NCOA3: variants seen among roughly 807,000 people sequenced by gnomAD.
NCOA3 encodes CBP-interacting protein.
In NCOA3, 51 loss-of-function variants were observed where a neutral mutation model predicts 158.8. That is an observed-to-expected ratio of 0.32 (90% confidence interval 0.26 to 0.41). The LOEUF (loss-of-function observed/expected upper bound fraction) is 0.41, where lower values mean the gene tolerates loss of function less well. NCOA3 is among the 10% of genes least tolerant of loss of function. The pLI is 1.00. For synonymous variants in NCOA3, 537 were observed against 592.4 expected, an observed-to-expected ratio of 0.91 and a Z score of 1.36; for missense variants, 1,510 against 1,746.6, an observed-to-expected ratio of 0.86 and a Z score of 2.41.
chr20:47,629,839 C>T (rs1289988441), intron 8 of NCOA3, among the ~76,000 whole-genome samples: 2 of 152,088 alleles, frequency 1.3e-5, no homozygotes, highest in East Asian at 3.8e-4. Context: ...AGCAATTTAG[C>T]AAGTAGCATC....
At chr20:47,641,665 A>AT (rs2086613834) in intron 16 of NCOA3, among the ~76,000 whole-genome samples, 1 of 150,010 alleles carries the variant, frequency 6.7e-6, no homozygotes, top group South Asian at 2.1e-4. Flanking sequence ...CGCCTGGCTG[A>AT]TTTTTTGTAT....
chr20:47,578,682 A>G (rs934027973), intron 1 of NCOA3, among the ~76,000 whole-genome samples: 5 of 152,226 alleles, frequency 3.3e-5, no homozygotes, highest in African/African-American at 1.2e-4. Flanking sequence ...TTTAACACTA[A>G]TATTTTGCAG....
At chr20:47,632,254 G>A (rs980702814) in intron 8 of NCOA3, among the ~76,000 whole-genome samples, 1 of 152,114 alleles carries the variant, frequency 6.6e-6, no homozygotes, top group Non-Finnish European at 1.5e-5. Flanking sequence ...TGGGAGAAAT[G>A]TATAGGAGAA....
intron 2 of NCOA3, among the ~76,000 whole-genome samples, chr20:47,600,757 C>A (rs1353879151): frequency 1.3e-5 from 2 of 148,362 alleles, no homozygotes; most frequent in Non-Finnish European, 3.0e-5. Flanking sequence ...CTCAAGCTAT[C>A]TGCCCTCCTT....
At chr20:47,596,624 T>G (rs1406700965) in intron 2 of NCOA3, among the ~76,000 whole-genome samples, 2 of 152,208 alleles carry the variant, frequency 1.3e-5, no homozygotes, top group Non-Finnish European at 2.9e-5. Flanking sequence ...CTCACACTGT[T>G]GCCCAGGCTG....
chr20:47,597,047 T>C (rs2085768234), intron 2 of NCOA3, among the ~76,000 whole-genome samples: 1 of 152,230 alleles, frequency 6.6e-6, no homozygotes, highest in Non-Finnish European at 1.5e-5. Context: ...TAAAGCATAA[T>C]ATACATACAA....
chr20:47,504,964 C>G (rs1483456874), intron 1 of NCOA3, among the ~76,000 whole-genome samples: 2 of 129,248 alleles, frequency 1.5e-5, no homozygotes, highest in Non-Finnish European at 3.1e-5. Context: ...ATTGTCCTAT[C>G]CCAAATTGAT....
chr20:47,636,745 A>C lies in NCOA3; in HGVS notation c.2359A>C (p.Thr787Pro). The change falls in exon 12 of 23, where the codon ACA becomes CCA. Residue 787 changes from threonine to proline, a missense_variant. Thr to Pro is a conservative substitution (Grantham distance 38). Coordinates refer to ENST00000371998, the MANE Select transcript of NCOA3 (RefSeq NM_181659.3). ...SSQEKDPKIK[T>P]ETSEEGSGDL... ...TCAAGAGAAAGACCCTAAAATTAAG[A>C]CAGAGACAAGTGAAGAGGTAATTTG... 2 of 1,608,958 alleles carry C rather than the reference A, an allele frequency of 1.2e-6. No individual in the cohort carries two copies. Among genetic ancestry groups the C allele is most frequent in the Non-Finnish European group, 1.7e-6 (2 of 1,176,396 alleles).
chr20:47,507,054 G>A (rs1416706169), intron 1 of NCOA3, among the ~76,000 whole-genome samples: 1 of 152,150 alleles, frequency 6.6e-6, no homozygotes, highest in African/African-American at 2.4e-5. Context: ...GGTGGCTATG[G>A]CAGCTGAGTT....
chr20:47,649,652 A>G (rs999074166), intron 19 of NCOA3, among the ~76,000 whole-genome samples: 2 of 152,128 alleles, frequency 1.3e-5, no homozygotes, highest in African/African-American at 4.8e-5. Context: ...CCACACAGCA[A>G]TCCTCTATTG....
chr20:47,559,867 G>A (rs1263369304), intron 1 of NCOA3, among the ~76,000 whole-genome samples: 3 of 151,716 alleles, frequency 2.0e-5, no homozygotes, highest in Non-Finnish European at 4.4e-5. Flanking sequence ...GCCCAGGCTG[G>A]TCTCAAACTC....
intron 1 of NCOA3, among the ~76,000 whole-genome samples, chr20:47,526,250 G>A (rs918305160): frequency 1.3e-5 from 2 of 151,814 alleles, no homozygotes; most frequent in East Asian, 2.0e-4. Context: ...CATGGTGGCC[G>A]GGCAGAGACG....
At chr20:47,547,659 C>A (rs1056113175) in intron 1 of NCOA3, among the ~76,000 whole-genome samples, 43 of 151,808 alleles carry the variant, frequency 2.8e-4, no homozygotes, top group African/African-American at 1.0e-3. Flanking sequence ...ACCTCGTGAT[C>A]CACCCGCCTC....
intron 1 of NCOA3, among the ~76,000 whole-genome samples, chr20:47,528,702 T>C (rs922156253): frequency 6.6e-6 from 1 of 152,266 alleles, no homozygotes; most frequent in Admixed American, 6.5e-5. Context: ...TACAATGTGA[T>C]ATTTGTCACA....
intron 1 of NCOA3, among the ~76,000 whole-genome samples, chr20:47,506,672 A>T (rs1197815039): frequency 6.6e-6 from 1 of 152,226 alleles, no homozygotes; most frequent in Non-Finnish European, 1.5e-5. Context: ...TGACTGGCAA[A>T]CAGGTTTTAC....
chr20:47,632,365 ATC>A (rs1296027347), intron 8 of NCOA3, among the ~76,000 whole-genome samples: 2 of 150,468 alleles, frequency 1.3e-5, no homozygotes, highest in Non-Finnish European at 2.9e-5. Context: ...AGCTCATCAA[ATC>A]TCTTGTTCAA....
At chr20:47,530,395 A>T (rs949748460) in intron 1 of NCOA3, among the ~76,000 whole-genome samples, 7 of 152,152 alleles carry the variant, frequency 4.6e-5, no homozygotes, top group Non-Finnish European at 8.8e-5. Context: ...AAATTGAGAC[A>T]AAGTTTTAAA....
intron 2 of NCOA3, among the ~76,000 whole-genome samples, chr20:47,608,062 A>G (rs970359892): frequency 2.6e-5 from 4 of 152,220 alleles, no homozygotes; most frequent in Non-Finnish European, 4.4e-5. Flanking sequence ...CTGTAATCCC[A>G]GCACTTTAGG....
intron 1 of NCOA3, among the ~76,000 whole-genome samples, chr20:47,511,548 T>TACACACACACAC (rs1362002302): frequency 4.9e-5 from 1 of 20,292 alleles, no homozygotes; most frequent in African/African-American, 7.8e-5. Context: ...TATATATATA[T>TACACACACACAC]ATATATATTT....
Sources: allele counts gnomAD v4.1 joint callset (sites outside exome capture counted in the v4.1 genomes callset), GRCh38; gene constraint gnomAD v4.1.1; transcripts MANE v1.5; gene names NCBI Gene and HGNC (gene_info 2026-07-23, HGNC 2026-07-21).